Variants in CACNA1S observed in about 807,000 individuals in gnomAD.
CACNA1S encodes voltage-dependent L-type calcium channel subunit alpha-1S.
A neutral mutation model predicts 207.4 loss-of-function variants in CACNA1S; 126 were observed. That is an observed-to-expected ratio of 0.61 (90% CI 0.53 to 0.70). CACNA1S has a LOEUF of 0.70. Ranked by LOEUF, CACNA1S falls within the 30% of genes least tolerant of loss-of-function variation. The pLI is 0.00. For missense variants in CACNA1S, 2,349 were observed against 2,422.8 expected (o/e 0.97, Z 0.64); for synonymous variants, 960 against 932.7 (o/e 1.03, Z -0.53).
At position 201,094,841 on chromosome 1, in the gene CACNA1S, A is replaced by C. The variant is rs538487286; in HGVS notation, c.259-820T>G. On this transcript the variant is annotated intron_variant, in intron 2 of 43. Coordinates refer to ENST00000362061, the MANE Select transcript of CACNA1S (RefSeq NM_000069.3). Reference sequence around the variant, plus strand: ...CAGAAGGCCCGGCCGACACTCCAGGACCTGTCCCCGTAGCCTGATCCTCTG... The same window carrying C: ...CAGAAGGCCCGGCCGACACTCCAGGCCCTGTCCCCGTAGCCTGATCCTCTG... Among the ~76,000 whole-genome samples, 347 of 152,092 alleles carry C rather than the reference A, an allele frequency of 2.3e-3. 2 individuals are homozygous for C. The highest frequency in any genetic ancestry group is 8.0e-3 in the African/African-American group (333 of 41,480).
At chr1:201,052,097 C>A (rs566196178) in intron 32 of CACNA1S, among the ~76,000 whole-genome samples, 1 of 152,228 alleles carries the variant, frequency 6.6e-6, no homozygotes, top group African/African-American at 2.4e-5. Context: ...CCAGGATCCT[C>A]GGTTGCAATC....
At position 201,072,693 on chromosome 1, in the gene CACNA1S, G is replaced by C. The variant is rs1661467145; in HGVS notation, c.2227+62C>G. 3 of 1,271,322 alleles carry C rather than the reference G, an allele frequency of 2.4e-6. No homozygotes were observed. In the Admixed American group the frequency reaches 5.0e-5, roughly 21 times the overall value. The allele number at this position is 1,271,322 out of a possible 1,614,324, so 78.8% of individuals were successfully genotyped here. On this transcript the variant is annotated intron_variant, in intron 16 of 43. Transcript: ENST00000362061. ...AGAGACTGCCCATGGGGAGAATTCA[G>C]GACCGGCACACCCCTACTTCACCCC...
rs780064007 is a variant in CACNA1S at position 201,050,523 on chromosome 1, G to A, written c.4114-7C>T. ...CCACAAAGAGGTTGATGACCTGCAAGAGAAGAACCAAGGGGTCCCAACACA... is the reference window on the plus strand; with the variant it reads ...CCACAAAGAGGTTGATGACCTGCAAAAGAAGAACCAAGGGGTCCCAACACA... On this transcript the variant is annotated splice_region_variant and splice_polypyrimidine_tract_variant and intron_variant, in intron 33 of 43. Transcript: ENST00000362061. The A allele has an allele frequency of 4.3e-6, 7 of 1,613,926 alleles. No homozygotes were observed. The South Asian group carries it at 7.7e-5, about 18-fold the overall frequency.
At chr1:201,068,995 C>T in intron 19 of CACNA1S, 142 bp downstream of exon 19, 1 of 751,610 alleles carries the variant, frequency 1.3e-6, no homozygotes, top group Non-Finnish European at 2.3e-6. Flanking sequence ...TGTGGGCCTG[C>T]CGGTGTGCTG....
chr1:201,061,766 G>T (rs537827532), intron 24 of CACNA1S, among the ~76,000 whole-genome samples, 178 bp downstream of exon 24: 3 of 152,330 alleles, frequency 2.0e-5, no homozygotes, highest in African/African-American at 7.2e-5. Flanking sequence ...GAGACCCCTG[G>T]TCAGGCCTAC....
intron 42 of CACNA1S, 60 bp downstream of exon 42, chr1:201,040,562 A>T: frequency 6.6e-7 from 1 of 1,518,074 alleles, no homozygotes; most frequent in South Asian, 1.1e-5. Context: ...TCCCACTCCA[A>T]GTATCAGGCC....
At chr1:201,060,604 C>T (rs1661009313) in intron 26 of CACNA1S, 54 bp downstream of exon 26, 3 of 1,605,076 alleles carry the variant, frequency 1.9e-6, no homozygotes, top group Non-Finnish European at 2.6e-6. Flanking sequence ...TCCTGCCCTA[C>T]CCAAGGCCCA....
At chr1:201,079,591 C>T (rs1212082839) in intron 10 of CACNA1S, among the ~76,000 whole-genome samples, 3 of 135,756 alleles carry the variant, frequency 2.2e-5, no homozygotes, top group African/African-American at 8.2e-5. Context: ...GACTGAAAAT[C>T]GCAGAGCGCT....
At chr1:201,096,786 C>G (rs1336885214) in intron 2 of CACNA1S, among the ~76,000 whole-genome samples, 1 of 152,210 alleles carries the variant, frequency 6.6e-6, no homozygotes, top group African/African-American at 2.4e-5. Context: ...GAATACATCA[C>G]AGCTATTCTT....
At position 201,044,527 on chromosome 1, in the gene CACNA1S, T is replaced by C; in HGVS notation, c.4669-71A>G. ...GAGACCAGAACCACTTTTTCTTTTT[T>C]TGAGACAGAGTCTCACTCTGTTGCC... On this transcript the variant is annotated intron_variant, in intron 38 of 43. Transcript: ENST00000362061. 3.8e-6 allele frequency: 6 copies of C among 1,572,320 alleles called. No homozygotes were observed. In the South Asian group the frequency reaches 6.7e-5, roughly 17 times the overall value.
chr1:201,054,140 G>A (rs868371099), intron 29 of CACNA1S, among the ~76,000 whole-genome samples: 3 of 152,330 alleles, frequency 2.0e-5, no homozygotes, highest in Middle Eastern at 3.4e-3. Context: ...TCTGGAAGGG[G>A]AGAGCTGCCC....
Position 201,068,195 on chromosome 1 carries a change from T to TA in CACNA1S, c.2550+941dup, listed in dbSNP as rs896797385. Among the ~76,000 whole-genome samples, 6 of 150,114 alleles carry TA rather than the reference T, an allele frequency of 4.0e-5. No individual in the cohort carries two copies. In the East Asian group the frequency reaches 1.2e-3, roughly 30 times the overall value. ...TTTCCAGTCACTGTTAACAGAGGTC[T>TA]AGGGATGACAAATCACACAGCTCCC... is the stretch of plus-strand genomic sequence containing the variant. On this transcript the variant is annotated intron_variant, in intron 19 of 43. Transcript: ENST00000362061.
At chr1:201,043,250 T>G in intron 40 of CACNA1S, 31 bp downstream of exon 40, 1 of 1,613,864 alleles carries the variant, frequency 6.2e-7, no homozygotes, top group Non-Finnish European at 8.5e-7. Context: ...CCAGTACCTC[T>G]ACACCCAGGG....
intron 41 of CACNA1S, 124 bp downstream of exon 41, chr1:201,041,380 C>T: frequency 1.3e-6 from 1 of 748,274 alleles, no homozygotes; most frequent in Non-Finnish European, 2.4e-6. Flanking sequence ...CAGATGACTG[C>T]CATTGTAACA....
In CACNA1S at chr1:201,092,076, T is replaced by C. The variant is rs147372797; in HGVS notation, c.437A>G (p.Gln146Arg). The C allele has an allele frequency of 1.9e-6, 3 of 1,614,104 alleles. No individual in the cohort carries two copies. The highest frequency in any genetic ancestry group is 2.5e-6 in the Non-Finnish European group (3 of 1,180,020). ...GCTGCTCATTGGGGCTGTGTGGCTT[T>C]GGATGACGTTAACCTGTTCCAGAAT... is the stretch of plus-strand genomic sequence containing the variant. ...TVILEQVNVI[Q>R]SHTAPMSSKG... Residue 146 changes from glutamine (Q) to arginine (R), a missense_variant, in exon 4 of 44, where the codon CAA (glutamine) becomes CGA (arginine). Transcript: ENST00000362061.
At chr1:201,069,745 GTC>G in intron 17 of CACNA1S, 144 bp from the exon 18 acceptor site, 2 of 1,009,300 alleles carry the variant, frequency 2.0e-6, no homozygotes, top group Non-Finnish European at 2.9e-6. Flanking sequence ...CACCTGCAGG[GTC>G]CTCTGGCTGG....
At chr1:201,062,535 G>T (rs1440374543) in intron 22 of CACNA1S, 21 bp from the exon 23 acceptor site, 2 of 1,596,052 alleles carry the variant, frequency 1.3e-6, no homozygotes, top group Non-Finnish European at 1.7e-6. Context: ...GAAGAGGGAG[G>T]GAGGGAGGGA....
In CACNA1S at chr1:201,083,299, C is replaced by A; in HGVS notation, c.1256G>T (p.Arg419Leu). 6.2e-7 allele frequency: 1 copy of A among 1,614,176 alleles called. No individual in the cohort carries two copies. Among genetic ancestry groups the A allele is most frequent in the Non-Finnish European group, 8.5e-7 (1 of 1,180,024 alleles). ...QFIRHWRQWN[R>L]IFRWKCHDIV... is the part of the protein sequence containing the mutation. ...GTCATGGCACTTCCAGCGAAAGATG[C>A]GGTTCCACTGCCTCCAATGTCGGCT... Residue 419 changes from arginine (R) to leucine (L), a missense_variant, in exon 10 of 44, where the codon CGC becomes CTC. Physicochemically the swap from Arg to Leu is moderately radical, Grantham distance 102. Coordinates refer to ENST00000362061, the MANE Select transcript of CACNA1S (RefSeq NM_000069.3).
chr1:201,098,750 C>A (rs1404083136), intron 2 of CACNA1S, among the ~76,000 whole-genome samples: 6 of 152,212 alleles, frequency 3.9e-5, no homozygotes, highest in African/African-American at 1.2e-4. Context: ...CTGTCCCTGA[C>A]CCCCTGATCT....
Sources: gnomAD v4.1 joint callset for allele counts (sites outside exome capture counted in the v4.1 genomes callset) on GRCh38, gnomAD v4.1.1 for gene constraint, MANE v1.5 for transcripts, NCBI Gene and HGNC (gene_info 2026-07-23, HGNC 2026-07-21) for gene names.